Variants in TLN2 observed in about 807,000 individuals in gnomAD.
The protein encoded by TLN2 is talin-2.
In TLN2, 118 loss-of-function variants were observed where a neutral mutation model predicts 294.7. That is an observed-to-expected ratio of 0.40 (90% CI 0.34 to 0.47). The LOEUF (loss-of-function observed/expected upper bound fraction) is 0.47. Among genes scored for constraint, TLN2 ranks in the 20% least tolerant of loss-of-function variants. TLN2 has a pLI of 0.84. For synonymous variants in TLN2, 1,431 were observed against 1,304.5 expected (o/e 1.10, Z -2.09); for missense variants, 3,083 against 3,282.2 (o/e 0.94, Z 1.48).
At chr15:62,707,867 T>G (rs1272812319) in intron 20 of TLN2, among the ~76,000 whole-genome samples, 1 of 152,054 alleles carries the variant, frequency 6.6e-6, no homozygotes, top group African/African-American at 2.4e-5. Context: ...CCCCTCTACT[T>G]CATGTGTCCT....
At chr15:62,422,025 C>G (rs983288673) in intron 1 of TLN2, among the ~76,000 whole-genome samples, 1 of 151,732 alleles carries the variant, frequency 6.6e-6, no homozygotes, top group Non-Finnish European at 1.5e-5. Context: ...CTTTGGGAGG[C>G]CGAGGCAGGT....
intron 1 of TLN2, among the ~76,000 whole-genome samples, chr15:62,405,315 G>A (rs1481063632): frequency 6.6e-6 from 1 of 152,194 alleles, no homozygotes; most frequent in Non-Finnish European, 1.5e-5. Context: ...TTCCTATAGA[G>A]GGTGAAGGCA....
chr15:62,482,627 A>G (rs1482995195), intron 1 of TLN2, among the ~76,000 whole-genome samples: 1 of 147,586 alleles, frequency 6.8e-6, no homozygotes, highest in Non-Finnish European at 1.5e-5. Context: ...AAAAAAAAAG[A>G]TAGAATTTAC....
chr15:62,420,982 A>C (rs2034356830), intron 1 of TLN2, among the ~76,000 whole-genome samples: 1 of 152,246 alleles, frequency 6.6e-6, no homozygotes, highest in East Asian at 1.9e-4. Flanking sequence ...TATAGATTAA[A>C]ATAAGTTAAT....
At chr15:62,537,865 G>A (rs1419956691) in intron 1 of TLN2, among the ~76,000 whole-genome samples, 3 of 152,130 alleles carry the variant, frequency 2.0e-5, no homozygotes, top group African/African-American at 7.2e-5. Flanking sequence ...TGTTGAGGAG[G>A]CTCCTCAGTG....
intron 1 of TLN2, among the ~76,000 whole-genome samples, chr15:62,541,363 C>T (rs189487460): frequency 6.6e-6 from 1 of 152,154 alleles, no homozygotes; most frequent in Non-Finnish European, 1.5e-5. Flanking sequence ...CTTCCTCATT[C>T]TGTTATTTCT....
chr15:62,785,022 A>G (rs1318661702), intron 45 of TLN2, among the ~76,000 whole-genome samples: 1 of 152,234 alleles, frequency 6.6e-6, no homozygotes, highest in Admixed American at 6.5e-5. Flanking sequence ...ATGCATGTAA[A>G]TAGGAGTACC....
intron 28 of TLN2, 32 bp from the exon 29 acceptor site, chr15:62,736,846 T>C: frequency 6.2e-7 from 1 of 1,608,138 alleles, no homozygotes; most frequent in Non-Finnish European, 8.5e-7. Flanking sequence ...AGATGGAGTC[T>C]AATTGGAAAT....
chr15:62,830,293 A>T (rs2068680537), intron 54 of TLN2: 1 of 152,450 alleles, frequency 6.6e-6, no homozygotes, highest in South Asian at 2.1e-4. Flanking sequence ...TCTGGTGAGA[A>T]GGTGAGAATG....
At chr15:62,445,777 C>T (rs1318073040) in intron 1 of TLN2, among the ~76,000 whole-genome samples, 1 of 151,924 alleles carries the variant, frequency 6.6e-6, no homozygotes, top group African/African-American at 2.4e-5. Context: ...AATCCTTTCA[C>T]CTCAGCCTCC....
At chr15:62,740,874 GC>G in intron 32 of TLN2, 105 bp downstream of exon 32, 1 of 1,474,986 alleles carries the variant, frequency 6.8e-7, no homozygotes, top group Admixed American at 1.8e-5. Context: ...AAGAATTGGT[GC>G]TGTCCTTAGG....
intron 25 of TLN2, among the ~76,000 whole-genome samples, chr15:62,720,133 A>G (rs1182297523): frequency 6.6e-6 from 1 of 152,232 alleles, no homozygotes; most frequent in Non-Finnish European, 1.5e-5. Context: ...TATCGTATTT[A>G]TTTCTCTTCA....
chr15:62,668,287 G>A (rs576026301), intron 9 of TLN2, among the ~76,000 whole-genome samples: 1 of 152,144 alleles, frequency 6.6e-6, no homozygotes, highest in African/African-American at 2.4e-5. Context: ...CTTGACTGTA[G>A]AAATTCCTTC....
chr15:62,468,580 C>G (rs2037273236), intron 1 of TLN2, among the ~76,000 whole-genome samples: 1 of 151,888 alleles, frequency 6.6e-6, no homozygotes, highest in Non-Finnish European at 1.5e-5. Context: ...CCTGTCTGTA[C>G]TAAAAATACA....
intron 27 of TLN2, among the ~76,000 whole-genome samples, chr15:62,726,219 A>C (rs2060433398): frequency 6.6e-6 from 1 of 152,250 alleles, no homozygotes; most frequent in Non-Finnish European, 1.5e-5. Flanking sequence ...ATTTTTAAAG[A>C]AATTGCTCTA....
chr15:62,519,339 C>T (rs1412109281), intron 1 of TLN2, among the ~76,000 whole-genome samples: 2 of 152,190 alleles, frequency 1.3e-5, no homozygotes, highest in African/African-American at 4.8e-5. Flanking sequence ...TTAATGACAG[C>T]CCAAGTCAAC....
chr15:62,734,845 T>A (rs1172186741), intron 28 of TLN2, among the ~76,000 whole-genome samples: 1 of 152,156 alleles, frequency 6.6e-6, no homozygotes, highest in East Asian at 1.9e-4. Flanking sequence ...CCTTTCACAC[T>A]CTATTGTATC....
intron 3 of TLN2, among the ~76,000 whole-genome samples, chr15:62,635,787 C>A (rs191744333): frequency 6.6e-6 from 1 of 152,214 alleles, no homozygotes; most frequent in Non-Finnish European, 1.5e-5. Flanking sequence ...TATAATAATG[C>A]AACAAGTGAA....
intron 3 of TLN2, among the ~76,000 whole-genome samples, chr15:62,629,679 T>C (rs2049604453): frequency 6.6e-6 from 1 of 152,196 alleles, no homozygotes; most frequent in Non-Finnish European, 1.5e-5. Flanking sequence ...ACTCAAAACA[T>C]GTGTCAGTAA....
Sources: allele counts gnomAD v4.1 joint callset (sites outside exome capture counted in the v4.1 genomes callset), GRCh38; gene constraint gnomAD v4.1.1; transcripts MANE v1.5; gene names NCBI Gene and HGNC (gene_info 2026-07-23, HGNC 2026-07-21).